PCYOX1: variants seen among roughly 807,000 people sequenced by gnomAD.
PCYOX1 encodes prenylcysteine oxidase 1.
Under a neutral mutation model 46.4 loss-of-function variants are expected in PCYOX1, and 46 were observed. The observed-to-expected ratio is 0.99, with a 90% CI of 0.78 to 1.27. The LOEUF (loss-of-function observed/expected upper bound fraction) is 1.27, where lower values mean the gene tolerates loss of function less well. PCYOX1 is among the 50% of genes most tolerant of loss of function. The probability of loss-of-function intolerance (pLI) is 0.00; values close to 1 mark genes in which losing one functional copy is unlikely to be tolerated. For missense variants in PCYOX1, 658 were observed against 628.3 expected, an observed-to-expected ratio of 1.05 and a Z score of -0.51; for synonymous variants, 220 against 231.8, an observed-to-expected ratio of 0.95 and a Z score of 0.46.
intron 3 of PCYOX1, among the ~76,000 whole-genome samples, chr2:70,270,318 T>G (rs1696585333): frequency 6.6e-6 from 1 of 152,162 alleles, no homozygotes. Context: ...GAATAAATAC[T>G]CCTTGGACTT....
chr2:70,262,300 G>C (rs1696451396), intron 3 of PCYOX1, among the ~76,000 whole-genome samples: 1 of 151,602 alleles, frequency 6.6e-6, no homozygotes, highest in Non-Finnish European at 1.5e-5. Flanking sequence ...CGAGTAGCTG[G>C]GATTACAGAT....
upstream of PCYOX1, chr2:70,258,110 C>T: frequency 7.1e-7 from 1 of 1,403,132 alleles, no homozygotes; most frequent in Non-Finnish European, 9.7e-7. Context: ...CGCAGCCGCG[C>T]AGCGGTGGGA....
chr2:70,275,584 A>G lies in PCYOX1; in HGVS notation c.777A>G (p.Ser259=), dbSNP rs1696659293. 6.2e-7 allele frequency: 1 copy of G among 1,613,994 alleles called. No individual in the cohort carries two copies. Among genetic ancestry groups the G allele is most frequent in the African/African-American group, 1.3e-5 (1 of 74,916 alleles). Residue 259 remains serine (S), a synonymous_variant, in exon 5 of 6, where the codon TCA becomes TCG. Transcript: ENST00000433351. The part of the protein sequence containing the change: ...AVEGGNKLVC[S]GLLQASKSNL... ...AAGGTGGCAATAAACTTGTTTGCTC[A>G]GGGCTTCTGCAGGCATCCAAAAGCA... is the stretch of plus-strand genomic sequence containing the variant.
intron 5 of PCYOX1, among the ~76,000 whole-genome samples, chr2:70,276,445 A>T (rs543252926): frequency 6.6e-6 from 1 of 152,236 alleles, no homozygotes; most frequent in Non-Finnish European, 1.5e-5. Context: ...TGACCTCGTG[A>T]TCCACCCACC....
intron 5 of PCYOX1, among the ~76,000 whole-genome samples, chr2:70,275,924 C>T (rs572279259): frequency 3.3e-5 from 5 of 151,730 alleles, no homozygotes; most frequent in African/African-American, 1.2e-4. Context: ...CATAGTTAAA[C>T]CCTGTCTCTA....
intron 2 of PCYOX1, among the ~76,000 whole-genome samples, chr2:70,260,919 C>T (rs1020970599): frequency 6.6e-6 from 1 of 152,148 alleles, no homozygotes; most frequent in African/African-American, 2.4e-5. Context: ...AGTTGGTACT[C>T]TGGCTTTTTT....
chr2:70,273,545 G>T (rs1238070137), intron 3 of PCYOX1, among the ~76,000 whole-genome samples: 3 of 152,188 alleles, frequency 2.0e-5, no homozygotes, highest in Non-Finnish European at 4.4e-5. Flanking sequence ...CATGATCAGT[G>T]ATAGGGATCT....
rs1696691358 is a variant in PCYOX1, at chr2:70,277,565, T to C, written c.*173T>C. Reference sequence around the variant, plus strand: ...ACGGTTCTAATTAAGTGTGAAGGTATAGCTATTGCACTTATGCCATCTCCA... The same window carrying C: ...ACGGTTCTAATTAAGTGTGAAGGTACAGCTATTGCACTTATGCCATCTCCA... On this transcript the variant is annotated 3_prime_UTR_variant, in exon 6 of 6. Transcript: ENST00000433351. The C allele has an allele frequency of 5.1e-6, 3 of 592,152 alleles. No homozygotes were observed. The highest frequency in any genetic ancestry group is 3.2e-5 in the Admixed American group (1 of 30,876). The allele number at this position is 592,152 out of a possible 1,614,324, so 36.7% of individuals were successfully genotyped here. A position where few individuals can be genotyped will look rare whatever the true frequency, so the allele number is the denominator to read the frequency against.
chr2:70,261,411 C>G (rs771787286), intron 3 of PCYOX1, 25 bp downstream of exon 3: 8 of 1,489,396 alleles, frequency 5.4e-6, no homozygotes, highest in East Asian at 2.3e-5. Flanking sequence ...TTCCATTTAA[C>G]CTAAGATCTT....
chr2:70,258,046 C>A (rs1696367866), upstream of PCYOX1: 5 of 741,262 alleles, frequency 6.7e-6, no homozygotes, highest in Non-Finnish European at 1.0e-5. Context: ...GCTCGCAGGA[C>A]CTGGGCGGGG....
At chr2:70,275,960 C>T (rs1292246527) in intron 5 of PCYOX1, among the ~76,000 whole-genome samples, 14 of 151,572 alleles carry the variant, frequency 9.2e-5, no homozygotes, top group African/African-American at 2.2e-4. Context: ...ATTAGCCGGG[C>T]GTGGTGGCAG....
intron 2 of PCYOX1, among the ~76,000 whole-genome samples, chr2:70,260,901 T>C (rs1696426321): frequency 6.6e-6 from 1 of 152,234 alleles, no homozygotes; most frequent in Non-Finnish European, 1.5e-5. Context: ...TGTTTTTAAA[T>C]TGAATTCAGT....
At chr2:70,263,115 T>C (rs984344552) in intron 3 of PCYOX1, among the ~76,000 whole-genome samples, 2 of 151,746 alleles carry the variant, frequency 1.3e-5, no homozygotes, top group Non-Finnish European at 2.9e-5. Context: ...ATGCCTGTAA[T>C]CCCAGCTACT....
In PCYOX1 at chr2:70,263,615, A is replaced by G. The variant is rs181810551; in HGVS notation, c.494+2229A>G. On this transcript the variant is annotated intron_variant, in intron 3 of 5. Coordinates refer to ENST00000433351, the MANE Select transcript of PCYOX1 (RefSeq NM_016297.4). ...TGCTGCATACTCAGCAGGCAGATCA[A>G]GTTCTGATGGCATCAGCCCTGCTTG... is the stretch of plus-strand genomic sequence containing the variant. Among the ~76,000 whole-genome samples, 1,021 of 152,032 alleles carry G rather than the reference A, an allele frequency of 6.7e-3. 12 individuals carry two copies. Among genetic ancestry groups the G allele is most frequent in the African/African-American group, 0.022 (928 of 41,472 alleles).
intron 3 of PCYOX1, among the ~76,000 whole-genome samples, chr2:70,269,422 G>C (rs951639597): frequency 6.7e-6 from 1 of 149,876 alleles, no homozygotes; most frequent in East Asian, 2.0e-4. Context: ...TGCAACCTCT[G>C]CCTCCCGGGT....
intron 3 of PCYOX1, among the ~76,000 whole-genome samples, chr2:70,267,483 A>G (rs925092233): frequency 2.2e-4 from 33 of 152,004 alleles, no homozygotes; most frequent in Non-Finnish European, 4.4e-5. Context: ...ACGCCACTGC[A>G]CTCCAGCCTG....
rs1014512292 is a variant in PCYOX1 at position 70,279,268 on chromosome 2, G to A, written c.*1876G>A. On this transcript the variant is annotated 3_prime_UTR_variant, in exon 6 of 6. Coordinates refer to ENST00000433351, the MANE Select transcript of PCYOX1 (RefSeq NM_016297.4). ...CTGCCAAGATATATTTGATAGGTAG[G>A]GGATTAAACTCATGGTTTGTCAAAA... The A allele has an allele frequency of 2.6e-5, 4 of 152,076 alleles. No homozygotes were observed. The highest frequency in any genetic ancestry group is 6.5e-5 in the Admixed American group (1 of 15,272). 9.4% of individuals were successfully genotyped at this position (152,076 alleles called of 1,614,324 possible). A position where few individuals can be genotyped will look rare whatever the true frequency, so the allele number is the denominator to read the frequency against.
chr2:70,276,841 A>G lies in PCYOX1; in HGVS notation c.967A>G (p.Asn323Asp), dbSNP rs764712210. 3.1e-6 allele frequency: 5 copies of G among 1,613,622 alleles called. No individual in the cohort carries two copies. Among genetic ancestry groups the G allele is most frequent in the Non-Finnish European group, 4.2e-6 (5 of 1,179,536 alleles). The change falls in exon 6 of 6, where the codon AAT (asparagine) becomes GAT (aspartate). Residue 323 changes from asparagine to aspartate, a missense_variant. Asn to Asp is a conservative substitution (Grantham distance 23). Coordinates refer to ENST00000433351, the MANE Select transcript of PCYOX1 (RefSeq NM_016297.4). Reference sequence around the variant, plus strand: ...CACTCCGTTGAATCGAAAAATGTCGAATATTACTTTTCTCAACTTTGATCC... The same window carrying G: ...CACTCCGTTGAATCGAAAAATGTCGGATATTACTTTTCTCAACTTTGATCC... ...VATPLNRKMS[N>D]ITFLNFDPPI...
chr2:70,266,199 G>A (rs560213937), intron 3 of PCYOX1, among the ~76,000 whole-genome samples: 19 of 152,214 alleles, frequency 1.2e-4, no homozygotes, highest in African/African-American at 4.6e-4. Flanking sequence ...TATCTAGGTG[G>A]GCCCAATATA....
Sources: gnomAD v4.1 joint callset for allele counts (sites outside exome capture counted in the v4.1 genomes callset) on GRCh38, gnomAD v4.1.1 for gene constraint, MANE v1.5 for transcripts, NCBI Gene and HGNC (gene_info 2026-07-23, HGNC 2026-07-21) for gene names.